NFIA: variants seen among roughly 807,000 people sequenced by gnomAD.
The protein encoded by NFIA is nuclear factor 1 A-type.
A neutral mutation model predicts 62.8 loss-of-function variants in NFIA; 8 were observed. The observed-to-expected ratio is 0.13, with a 90% CI of 0.07 to 0.23. The LOEUF (loss-of-function observed/expected upper bound fraction) is 0.23, where lower values mean the gene tolerates loss of function less well. NFIA is among the 10% of genes least tolerant of loss of function. The probability of loss-of-function intolerance (pLI) is 1.00; values close to 1 mark genes in which losing one functional copy is unlikely to be tolerated. For missense variants in NFIA, 410 were observed against 642.1 expected (o/e 0.64, Z 3.91); for synonymous variants, 235 against 238.1 (o/e 0.99, Z 0.12).
Position 61,082,641 on chromosome 1 carries a change from A to G in NFIA, c.-151A>G. 2 of 1,519,514 alleles carry G rather than the reference A, an allele frequency of 1.3e-6. No homozygotes were observed. Among genetic ancestry groups the G allele is most frequent in the South Asian group, 1.2e-5 (1 of 80,012 alleles). 94.1% of individuals were successfully genotyped at this position (1,519,514 alleles called of 1,614,324 possible). On this transcript the variant is annotated 5_prime_UTR_variant, in exon 1 of 11. Coordinates refer to ENST00000403491, the MANE Select transcript of NFIA (RefSeq NM_001134673.4). ...GAGCCGACTTGGAAATGTGAACGCA[A>G]GAAGCAGGCTTGATTTTTTTTTCTC...
At chr1:61,159,868 G>A (rs2100533866) in intron 2 of NFIA, among the ~76,000 whole-genome samples, 1 of 152,080 alleles carries the variant, frequency 6.6e-6, no homozygotes, top group East Asian at 1.9e-4. Context: ...TTTTAGTAGA[G>A]ACGGGGTTTC....
chr1:61,405,810 A>AT (rs1410574756), intron 8 of NFIA, among the ~76,000 whole-genome samples: 1 of 152,174 alleles, frequency 6.6e-6, no homozygotes, highest in Non-Finnish European at 1.5e-5. Context: ...TTGGAGGGGA[A>AT]TTTTTTGTTA....
chr1:61,384,473 T>C (rs1194865782), intron 7 of NFIA, among the ~76,000 whole-genome samples: 1 of 152,184 alleles, frequency 6.6e-6, no homozygotes, highest in Non-Finnish European at 1.5e-5. Flanking sequence ...GGTAGAACTT[T>C]CTCAAGATCC....
In NFIA at chr1:61,200,010, GTATATATATATATATATATATA is replaced by G. The variant is rs60422302; in HGVS notation, c.560-77474_560-77453del. Among the ~76,000 whole-genome samples, 237 of 52,814 alleles carry G rather than the reference GTATATATATATATATATATATA, an allele frequency of 4.5e-3. 2 individuals carry two copies. The highest frequency in any genetic ancestry group is 8.0e-3 in the East Asian group (17 of 2,138). 34.6% of individuals were successfully genotyped at this position (52,814 alleles called of 152,430 possible). On this transcript the variant is annotated intron_variant, in intron 2 of 10. Coordinates refer to ENST00000403491, the MANE Select transcript of NFIA (RefSeq NM_001134673.4). ...ACTCCAACTCACAAAATATATATAT[GTATATATATATATATATATATA>G]TATATATATATATATATATATATAT... is the stretch of plus-strand genomic sequence containing the variant.
At chr1:61,269,718 A>G (rs1657393936) in intron 2 of NFIA, among the ~76,000 whole-genome samples, 1 of 152,214 alleles carries the variant, frequency 6.6e-6, no homozygotes, top group Admixed American at 6.5e-5. Flanking sequence ...ATAAAGAGCA[A>G]CAGACTGTGA....
chr1:61,148,822 A>G (rs527287132), intron 2 of NFIA, among the ~76,000 whole-genome samples: 1 of 152,216 alleles, frequency 6.6e-6, no homozygotes, highest in Admixed American at 6.5e-5. Context: ...CTGATACTAA[A>G]GTGGGTAAAC....
At chr1:61,174,176 T>C (rs1480305729) in intron 2 of NFIA, among the ~76,000 whole-genome samples, 1 of 152,190 alleles carries the variant, frequency 6.6e-6, no homozygotes, top group African/African-American at 2.4e-5. Context: ...GGTGAGGGCA[T>C]TATGCAGATG....
intron 10 of NFIA, among the ~76,000 whole-genome samples, chr1:61,431,723 A>G (rs1667102430): frequency 6.6e-6 from 1 of 152,216 alleles, no homozygotes; most frequent in Non-Finnish European, 1.5e-5. Flanking sequence ...AGGTCCCTGC[A>G]TAGCCAAATT....
intron 2 of NFIA, among the ~76,000 whole-genome samples, chr1:61,132,208 G>C (rs1038637290): frequency 6.6e-6 from 1 of 152,122 alleles, no homozygotes; most frequent in Non-Finnish European, 1.5e-5. Context: ...AGTTATCTGA[G>C]AGATCAGCAC....
At chr1:61,093,054 T>C (rs1263581321) in intron 2 of NFIA, among the ~76,000 whole-genome samples, 1 of 152,238 alleles carries the variant, frequency 6.6e-6, no homozygotes. Context: ...ATTAGATTGT[T>C]ACAGTTTATA....
At chr1:61,200,006 A>ATATGTATG (rs1652315470) in intron 2 of NFIA, among the ~76,000 whole-genome samples, 1 of 66,928 alleles carries the variant, frequency 1.5e-5, no homozygotes, top group African/African-American at 5.8e-5. Context: ...CAAAATATAT[A>ATATGTATG]TATGTATATA....
chr1:61,410,776 G>A (rs374261559), intron 9 of NFIA, among the ~76,000 whole-genome samples: 9 of 152,078 alleles, frequency 5.9e-5, no homozygotes, highest in Admixed American at 2.6e-4. Context: ...GTGTGGTGGC[G>A]TGCACCCGTA....
intron 10 of NFIA, among the ~76,000 whole-genome samples, chr1:61,450,550 G>A (rs79495480): frequency 0.02 from 3,007 of 152,294 alleles, 100 homozygotes; most frequent in African/African-American, 0.068. Flanking sequence ...CTCTTTGGGG[G>A]CTGATGAGGA....
intron 2 of NFIA, among the ~76,000 whole-genome samples, chr1:61,211,006 A>C (rs1294990446): frequency 1.3e-5 from 2 of 152,246 alleles, no homozygotes; most frequent in Admixed American, 1.3e-4. Flanking sequence ...TATTTATAGC[A>C]ATAAATTTCA....
chr1:61,205,006 C>T (rs1383240454), intron 2 of NFIA, among the ~76,000 whole-genome samples: 1 of 152,208 alleles, frequency 6.6e-6, no homozygotes, highest in Admixed American at 6.5e-5. Flanking sequence ...GGACTAGGAA[C>T]ATGCTAGTAT....
intron 2 of NFIA, among the ~76,000 whole-genome samples, chr1:61,143,275 A>G (rs1375479919): frequency 1.3e-5 from 2 of 152,216 alleles, no homozygotes; most frequent in African/African-American, 4.8e-5. Context: ...GCTGAAGAAC[A>G]AGATTTCTCT....
At chr1:61,408,927 T>A (rs1421313673) in intron 9 of NFIA, among the ~76,000 whole-genome samples, 2 of 152,256 alleles carry the variant, frequency 1.3e-5, no homozygotes, top group South Asian at 2.1e-4. Context: ...AAAATATATC[T>A]GTAGGACTTG....
chr1:61,111,585 T>C (rs975849615), intron 2 of NFIA, among the ~76,000 whole-genome samples: 49 of 152,164 alleles, frequency 3.2e-4, no homozygotes, highest in African/African-American at 1.0e-3. Context: ...TTGTTGTGCA[T>C]TCTATTAAAT....
At chr1:61,431,622 G>C (rs1667099074) in intron 10 of NFIA, among the ~76,000 whole-genome samples, 1 of 152,250 alleles carries the variant, frequency 6.6e-6, no homozygotes, top group Non-Finnish European at 1.5e-5. Context: ...TGCCTGACTT[G>C]CAAGCAGTGT....
Sources: allele counts gnomAD v4.1 joint callset (sites outside exome capture counted in the v4.1 genomes callset), GRCh38; gene constraint gnomAD v4.1.1; transcripts MANE v1.5; gene names NCBI Gene and HGNC (gene_info 2026-07-23, HGNC 2026-07-21).